ANKRD6: variants seen among roughly 807,000 people sequenced by gnomAD.
ANKRD6 encodes the protein ankyrin repeat domain 6.
Under a neutral mutation model 82.3 loss-of-function variants are expected in ANKRD6, and 56 were observed. The observed-to-expected ratio is 0.68, with a 90% CI of 0.55 to 0.85. ANKRD6 has a LOEUF of 0.85. Among genes scored for constraint, ANKRD6 ranks in the 40% least tolerant of loss-of-function variants. The probability of loss-of-function intolerance (pLI) is 0.00; values close to 1 mark genes in which losing one functional copy is unlikely to be tolerated. For synonymous variants in ANKRD6, 347 were observed against 352.1 expected, an observed-to-expected ratio of 0.99 and a Z score of 0.16; for missense variants, 852 against 907.6, an observed-to-expected ratio of 0.94 and a Z score of 0.79.
intron 1 of ANKRD6, among the ~76,000 whole-genome samples, chr6:89,556,037 A>G (rs1162458805): frequency 3.3e-5 from 5 of 152,180 alleles, no homozygotes; most frequent in African/African-American, 1.2e-4. Flanking sequence ...CACTCTGACA[A>G]GAGGCACAGA....
At chr6:89,477,641 G>A (rs1186786862) in intron 1 of ANKRD6, among the ~76,000 whole-genome samples, 1 of 151,666 alleles carries the variant, frequency 6.6e-6, no homozygotes, top group African/African-American at 2.4e-5. Flanking sequence ...CGTGGTGGCG[G>A]GTGCCTGTAG....
rs539638372 is a variant in ANKRD6 at position 89,516,481 on chromosome 6, A to C, written c.-143-50353A>C. On this transcript the variant is annotated intron_variant, in intron 1 of 15. Coordinates refer to ENST00000339746, the MANE Select transcript of ANKRD6 (RefSeq NM_001242809.2). Reference sequence around the variant, plus strand: ...TTCCAAAATTGTGGGAGCCAATTCCATTCTAGATTTTTTTTAAGACACAGC... The same window carrying C: ...TTCCAAAATTGTGGGAGCCAATTCCCTTCTAGATTTTTTTTAAGACACAGC... Among the ~76,000 whole-genome samples the C allele has an allele frequency of 3.6e-4, 55 of 152,106 alleles. No individual in the cohort carries two copies. In the South Asian group the frequency reaches 0.011, roughly 31 times the overall value.
Position 89,631,906 on chromosome 6 carries a change from C to G in ANKRD6, c.*902C>G, listed in dbSNP as rs575337905. ...TTTTGAAAGTATTTCATTTTGAATTCTGTCATTAACCTCAAAAGCTTTCTA... is the reference window on the plus strand; with the variant it reads ...TTTTGAAAGTATTTCATTTTGAATTGTGTCATTAACCTCAAAAGCTTTCTA... On this transcript the variant is annotated 3_prime_UTR_variant, in exon 16 of 16. Coordinates refer to ENST00000339746, the MANE Select transcript of ANKRD6 (RefSeq NM_001242809.2). 4 of 152,144 alleles carry G rather than the reference C, an allele frequency of 2.6e-5. No individual in the cohort carries two copies. Among genetic ancestry groups the G allele is most frequent in the Non-Finnish European group, 5.9e-5 (4 of 68,034 alleles). The allele number at this position is 152,144 out of a possible 1,614,324, so 9.4% of individuals were successfully genotyped here.
chr6:89,627,646 C>T lies in ANKRD6; in HGVS notation c.1435C>T (p.Arg479Cys), dbSNP rs780403490. ...TGCAGAGAGGACGGAGTGCCTGAAC[C>T]GCCTGCAACAGCACTCAGACACAGA... is the stretch of plus-strand genomic sequence containing the variant. ...LSAERTECLN[R>C]LQQHSDTEKH... The change falls in exon 14 of 16, where the codon CGC becomes TGC. Residue 479 changes from arginine to cysteine, a missense_variant. Transcript: ENST00000339746. The T allele has an allele frequency of 2.8e-5, 45 of 1,613,646 alleles. No homozygotes were observed. Among genetic ancestry groups the T allele is most frequent in the African/African-American group, 1.2e-4 (9 of 74,882 alleles).
At position 89,627,586 on chromosome 6, in the gene ANKRD6, CG is replaced by C. The variant is rs1479682452; in HGVS notation, c.1376del (p.Arg459LeufsTer6). On this transcript the variant is annotated frameshift_variant, in exon 14 of 16. Coordinates refer to ENST00000339746, the MANE Select transcript of ANKRD6 (RefSeq NM_001242809.2). LOFTEE classifies it high-confidence loss of function. Reference protein sequence around the residue: ...QMENKTQHQMRVLDKLMVERL... With the variant: ...QMENKTQHQMXVLDKLMVERL... ...CTCTGCTCCACTTCACTCCTAGATG[CG>C]TGTTTTGGACAAGCTGATGGTTGAG... The C allele has an allele frequency of 6.8e-6, 11 of 1,613,056 alleles. No individual in the cohort carries two copies. The highest frequency in any genetic ancestry group is 1.3e-5 in the African/African-American group (1 of 74,886).
chr6:89,576,243 G>C (rs1035765976), intron 2 of ANKRD6, among the ~76,000 whole-genome samples: 1 of 151,838 alleles, frequency 6.6e-6, no homozygotes, highest in Non-Finnish European at 1.5e-5. Context: ...GTAGAGATGG[G>C]GTTTCACCAT....
At chr6:89,622,064 A>G (rs769407185) in intron 10 of ANKRD6, 38 bp downstream of exon 10, 59 of 1,575,288 alleles carry the variant, frequency 3.7e-5, no homozygotes, top group Non-Finnish European at 5.0e-5. Flanking sequence ...ACATCCACCC[A>G]TGCTCAGAGG....
At chr6:89,590,098 G>A (rs1794583039) in intron 2 of ANKRD6, among the ~76,000 whole-genome samples, 1 of 152,336 alleles carries the variant, frequency 6.6e-6, no homozygotes, top group African/African-American at 2.4e-5. Context: ...TGGAATTATA[G>A]AGGATATTCT....
intron 1 of ANKRD6, among the ~76,000 whole-genome samples, chr6:89,545,770 A>T (rs1785012182): frequency 6.6e-6 from 1 of 152,204 alleles, no homozygotes; most frequent in African/African-American, 2.4e-5. Context: ...ACTGACCATT[A>T]TTAAAAGATG....
chr6:89,625,763 G>T (rs536523673), intron 13 of ANKRD6, among the ~76,000 whole-genome samples: 3 of 148,280 alleles, frequency 2.0e-5, no homozygotes, highest in Admixed American at 2.0e-4. Flanking sequence ...TTTTTAGATG[G>T]GGTCTGACTC....
intron 1 of ANKRD6, among the ~76,000 whole-genome samples, chr6:89,537,030 G>A (rs965688540): frequency 2.0e-5 from 3 of 152,002 alleles, no homozygotes; most frequent in South Asian, 2.1e-4. Flanking sequence ...ATACTTGTAC[G>A]AAAATATACA....
rs45520931 is a variant in ANKRD6, at chr6:89,631,354, A to G, written c.*350A>G. 238 of 177,486 alleles carry G rather than the reference A, an allele frequency of 1.3e-3. No homozygotes were observed. The highest frequency in any genetic ancestry group is 2.2e-3 in the Non-Finnish European group (189 of 84,598). The allele number at this position is 177,486 out of a possible 1,614,324, so 11.0% of individuals were successfully genotyped here. A position where few individuals can be genotyped will look rare whatever the true frequency, so the allele number is the denominator to read the frequency against. ...TAAAATTCAAGATGTGTGAAATAAT[A>G]TAAGTCAAAAGCAAGAAAAACGTAA... is the stretch of plus-strand genomic sequence containing the variant. On this transcript the variant is annotated 3_prime_UTR_variant, in exon 16 of 16. Transcript: ENST00000339746.
chr6:89,439,607 C>T (rs1266148853), intron 1 of ANKRD6, among the ~76,000 whole-genome samples: 2 of 152,144 alleles, frequency 1.3e-5, no homozygotes, highest in African/African-American at 4.8e-5. Flanking sequence ...AATGCTTCAG[C>T]GTCATTTATC....
intron 2 of ANKRD6, among the ~76,000 whole-genome samples, chr6:89,584,989 A>T (rs996049991): frequency 6.6e-6 from 1 of 151,964 alleles, no homozygotes; most frequent in Non-Finnish European, 1.5e-5. Flanking sequence ...TCCTCATCCA[A>T]TCCTAATTAC....
Position 89,630,779 on chromosome 6 carries a change from G to A in ANKRD6, c.1959G>A (p.Gln653=), listed in dbSNP as rs772080831. 18 of 1,613,848 alleles carry A rather than the reference G, an allele frequency of 1.1e-5. No homozygotes were observed. Among genetic ancestry groups the A allele is most frequent in the Non-Finnish European group, 1.7e-6 (2 of 1,179,908 alleles). The change falls in exon 16 of 16, where the codon CAG becomes CAA. Residue 653 remains glutamine, a synonymous_variant. Transcript: ENST00000339746. ...CGCCACCAGCCACAGGCAGCGAGCA[G>A]ACTGGCCCTCACATTCGGGACACCT... ...GQPPPATGSE[Q]TGPHIRDTSQ...
intron 1 of ANKRD6, among the ~76,000 whole-genome samples, chr6:89,558,839 G>C (rs987758331): frequency 6.6e-6 from 1 of 152,052 alleles, no homozygotes; most frequent in Non-Finnish European, 1.5e-5. Flanking sequence ...AGGGCTATAT[G>C]AGAACTCTGA....
chr6:89,555,457 A>G (rs2128040578), intron 1 of ANKRD6, among the ~76,000 whole-genome samples: 1 of 152,252 alleles, frequency 6.6e-6, no homozygotes, highest in East Asian at 1.9e-4. Flanking sequence ...GAGTGGGCTT[A>G]TAGTCATTAA....
intron 1 of ANKRD6, among the ~76,000 whole-genome samples, chr6:89,446,733 A>G (rs1002166163): frequency 3.9e-5 from 6 of 152,144 alleles, no homozygotes; most frequent in African/African-American, 1.4e-4. Context: ...CCCAAATCTC[A>G]TCTTGAACTG....
At chr6:89,530,327 C>T (rs764149328) in intron 1 of ANKRD6, among the ~76,000 whole-genome samples, 1 of 151,332 alleles carries the variant, frequency 6.6e-6, no homozygotes, top group Non-Finnish European at 1.5e-5. Context: ...GAGCACATGT[C>T]GTTGGAAAAA....
Sources: allele counts gnomAD v4.1 joint callset (sites outside exome capture counted in the v4.1 genomes callset), GRCh38; gene constraint gnomAD v4.1.1; transcripts MANE v1.5; gene names NCBI Gene and HGNC (gene_info 2026-07-23, HGNC 2026-07-21).